The following SKAP2 variants were observed in gnomAD, a reference collection of about 807,000 sequenced individuals.
SKAP2 encodes src kinase associated phosphoprotein 2, also known as src kinase-associated phosphoprotein 2.
A neutral mutation model predicts 54.9 loss-of-function variants in SKAP2; 28 were observed. That is an observed-to-expected ratio of 0.51 (90% CI 0.38 to 0.70). The LOEUF is 0.70. Ranked by LOEUF, SKAP2 falls within the 30% of genes least tolerant of loss-of-function variation. SKAP2 has a pLI of 0.00. For missense variants in SKAP2, 356 were observed against 424.1 expected (o/e 0.84, Z 1.41); for synonymous variants, 137 against 134.3 (o/e 1.02, Z -0.14).
intron 3 of SKAP2, 31 bp from the exon 4 acceptor site, chr7:26,844,168 C>T (rs201352467): frequency 1.6e-6 from 2 of 1,268,102 alleles, no homozygotes; most frequent in African/African-American, 3.0e-5. Context: ...CAGAGAACTG[C>T]CTTTTATACT....
At chr7:26,712,235 G>T (rs1377546578) in intron 9 of SKAP2, among the ~76,000 whole-genome samples, 1 of 152,124 alleles carries the variant, frequency 6.6e-6, no homozygotes, top group Non-Finnish European at 1.5e-5. Flanking sequence ...ATACTCCAAT[G>T]AGCATTTCCT....
At chr7:26,773,136 G>A (rs1034749876) in intron 4 of SKAP2, among the ~76,000 whole-genome samples, 5 of 152,206 alleles carry the variant, frequency 3.3e-5, no homozygotes, top group Admixed American at 6.5e-5. Flanking sequence ...ATTCAGGCAT[G>A]TAATTATGTA....
At chr7:26,777,810 G>C (rs1362364726) in intron 4 of SKAP2, among the ~76,000 whole-genome samples, 2 of 151,914 alleles carry the variant, frequency 1.3e-5, no homozygotes, top group Non-Finnish European at 2.9e-5. Flanking sequence ...AGGCATGAAT[G>C]GTATTTCAAG....
intron 1 of SKAP2, among the ~76,000 whole-genome samples, chr7:26,856,952 T>C (rs982832422): frequency 6.6e-6 from 1 of 151,688 alleles, no homozygotes; most frequent in African/African-American, 2.4e-5. Flanking sequence ...AAAAGGTCAT[T>C]TCAGTTTTAT....
chr7:26,800,966 C>T (rs1783899710), intron 4 of SKAP2, among the ~76,000 whole-genome samples: 1 of 151,748 alleles, frequency 6.6e-6, no homozygotes, highest in Non-Finnish European at 1.5e-5. Context: ...AAAAATAGAG[C>T]AGAACAGAAT....
intron 4 of SKAP2, among the ~76,000 whole-genome samples, chr7:26,816,425 A>T (rs1292783564): frequency 6.6e-6 from 1 of 152,110 alleles, no homozygotes; most frequent in Non-Finnish European, 1.5e-5. Context: ...AGTAGGCCAG[A>T]TATTAAGATA....
intron 4 of SKAP2, among the ~76,000 whole-genome samples, chr7:26,775,272 T>A (rs10262212): frequency 0.08 from 12,174 of 152,238 alleles, 592 homozygotes; most frequent in Middle Eastern, 0.16. Context: ...CAAGTTCCCC[T>A]TTTAACTTTG....
intron 9 of SKAP2, among the ~76,000 whole-genome samples, chr7:26,717,306 T>C (rs1787467985): frequency 6.6e-6 from 1 of 151,762 alleles, no homozygotes; most frequent in Non-Finnish European, 1.5e-5. Context: ...AACTCAGAAG[T>C]TGGAGACCAT....
At chr7:26,800,009 AG>A (rs142852921) in intron 4 of SKAP2, among the ~76,000 whole-genome samples, 32,190 of 151,654 alleles carry the variant, frequency 0.21, 3,502 homozygotes, top group Non-Finnish European at 0.24. Context: ...CTGTAGTCCC[AG>A]CTACTTAGGA....
intron 6 of SKAP2, among the ~76,000 whole-genome samples, chr7:26,735,829 G>A (rs1787919088): frequency 6.6e-6 from 1 of 152,088 alleles, no homozygotes; most frequent in Non-Finnish European, 1.5e-5. Context: ...AGGAAATCGG[G>A]ATCATGCCAA....
chr7:26,829,349 A>G (rs1338186732), intron 4 of SKAP2, among the ~76,000 whole-genome samples: 1 of 152,126 alleles, frequency 6.6e-6, no homozygotes, highest in Non-Finnish European at 1.5e-5. Context: ...CCTGGGCAAC[A>G]AAAGTGAAAC....
At chr7:26,835,792 A>G (rs1784695413) in intron 4 of SKAP2, among the ~76,000 whole-genome samples, 1 of 152,210 alleles carries the variant, frequency 6.6e-6, no homozygotes, top group South Asian at 2.1e-4. Context: ...ACTCAATGCT[A>G]TCCCCATCAA....
At chr7:26,721,146 TTGG>T (rs1414333383) in intron 9 of SKAP2, among the ~76,000 whole-genome samples, 1 of 152,208 alleles carries the variant, frequency 6.6e-6, no homozygotes, top group Non-Finnish European at 1.5e-5. Flanking sequence ...GAAAAATTGT[TTGG>T]TGAAGTCAGG....
intron 8 of SKAP2, 24 bp downstream of exon 8, chr7:26,725,899 A>G: frequency 6.3e-7 from 1 of 1,576,330 alleles, no homozygotes; most frequent in Non-Finnish European, 8.7e-7. Context: ...GACTGTGATA[A>G]CTTGTTCGAT....
At chr7:26,735,162 G>C (rs765049448) in intron 6 of SKAP2, among the ~76,000 whole-genome samples, 2 of 151,976 alleles carry the variant, frequency 1.3e-5, no homozygotes, top group Non-Finnish European at 2.9e-5. Flanking sequence ...GCACCTCTAA[G>C]GATCTTTGGA....
intron 4 of SKAP2, among the ~76,000 whole-genome samples, chr7:26,817,730 T>A (rs1784300798): frequency 6.6e-6 from 1 of 152,156 alleles, no homozygotes; most frequent in African/African-American, 2.4e-5. Flanking sequence ...ATAAGCAACT[T>A]CAGCAAAGTC....
At chr7:26,794,699 T>C (rs1385557538) in intron 4 of SKAP2, among the ~76,000 whole-genome samples, 1 of 152,038 alleles carries the variant, frequency 6.6e-6, no homozygotes, top group African/African-American at 2.4e-5. Flanking sequence ...AAAAGGTGGA[T>C]ATCTTGTCCA....
intron 4 of SKAP2, among the ~76,000 whole-genome samples, chr7:26,840,453 T>C (rs1784797629): frequency 6.6e-6 from 1 of 152,102 alleles, no homozygotes; most frequent in Admixed American, 6.6e-5. Flanking sequence ...GATTTCAGAA[T>C]AGAAAAATGG....
intron 3 of SKAP2, among the ~76,000 whole-genome samples, chr7:26,853,845 T>C (rs1330316678): frequency 6.6e-6 from 1 of 152,168 alleles, no homozygotes; most frequent in Non-Finnish European, 1.5e-5. Context: ...TGCACGTTTT[T>C]ACCTTTCCTA....
Sources: gnomAD v4.1 joint callset for allele counts (sites outside exome capture counted in the v4.1 genomes callset) on GRCh38, gnomAD v4.1.1 for gene constraint, MANE v1.5 for transcripts, NCBI Gene and HGNC (gene_info 2026-07-23, HGNC 2026-07-21) for gene names.